The following PDE1C variants were observed in gnomAD, a reference collection of about 807,000 sequenced individuals.
PDE1C encodes dual specificity calcium/calmodulin-dependent 3',5'-cyclic nucleotide phosphodiesterase 1C.
Under a neutral mutation model 93.1 loss-of-function variants are expected in PDE1C, and 62 were observed. The observed-to-expected ratio is 0.67, with a 90% CI of 0.54 to 0.82. PDE1C has a LOEUF of 0.82. Among genes scored for constraint, PDE1C ranks in the 40% least tolerant of loss-of-function variants. The probability of loss-of-function intolerance (pLI) is 0.00; values close to 1 mark genes in which losing one functional copy is unlikely to be tolerated. For missense variants in PDE1C, 742 were observed against 884.6 expected, an observed-to-expected ratio of 0.84 and a Z score of 2.04; for synonymous variants, 325 against 310.1, an observed-to-expected ratio of 1.05 and a Z score of -0.50.
chr7:31,724,131 T>A, the PDE1C span, among the ~76,000 whole-genome samples: 107 of 152,360 alleles, frequency 7.0e-4, no homozygotes, highest in African/African-American at 2.5e-3. Flanking sequence ...AGTGCTGTTA[T>A]CCTGGCAACC....
chr7:31,797,803 A>C (rs1187450553), intron 16 of PDE1C, among the ~76,000 whole-genome samples: 2 of 151,748 alleles, frequency 1.3e-5, no homozygotes, highest in Non-Finnish European at 2.9e-5. Flanking sequence ...ATTAAGGCCC[A>C]GAAAAGCAAT....
rs377157841 is a variant in PDE1C, at chr7:31,949,383, C to T, written c.129-68523G>A. On this transcript the variant is annotated intron_variant, in intron 2 of 17. Coordinates refer to ENST00000396191, the MANE Select transcript of PDE1C (RefSeq NM_001191057.4). ...GCTGAGGCAGGAGAATCACTTGAAC[C>T]TGGGAGGTGAAGGTTGCAGTGAGCC... 2.6e-5 allele frequency among the ~76,000 whole-genome samples: 4 copies of T among 152,216 alleles called. No homozygotes were observed. The East Asian group carries it at 7.7e-4, about 29-fold the overall frequency.
chr7:32,259,501 G>A (rs115433090), intron 1 of PDE1C, among the ~76,000 whole-genome samples: 1,727 of 152,214 alleles, frequency 0.011, 43 homozygotes, highest in African/African-American at 0.04. Context: ...GGGAGCTGGG[G>A]CAAGTTCCCA....
chr7:32,212,415 A>T (rs1310741044), intron 1 of PDE1C, among the ~76,000 whole-genome samples: 1 of 152,162 alleles, frequency 6.6e-6, no homozygotes, highest in Non-Finnish European at 1.5e-5. Flanking sequence ...AGTTTCCTCT[A>T]TCCAGAAGGA....
At chr7:31,873,692 A>G (rs1239107959) in intron 5 of PDE1C, among the ~76,000 whole-genome samples, 5 of 152,242 alleles carry the variant, frequency 3.3e-5, no homozygotes, top group Non-Finnish European at 7.3e-5. Context: ...AATTATCCTG[A>G]AAACAACTCT....
intron 16 of PDE1C, among the ~76,000 whole-genome samples, chr7:31,779,015 G>A (rs1422381218): frequency 2.6e-5 from 4 of 152,124 alleles, no homozygotes; most frequent in Non-Finnish European, 5.9e-5. Flanking sequence ...TTGTCTAAGA[G>A]GAAGAAAAAC....
chr7:31,672,877 A>G, the PDE1C span, among the ~76,000 whole-genome samples: 1 of 152,204 alleles, frequency 6.6e-6, no homozygotes, highest in African/African-American at 2.4e-5. Context: ...CAACTGGATC[A>G]TAGGGGAGCA....
At chr7:32,388,876 A>C (rs1373194022) in intron 1 of PDE1C, among the ~76,000 whole-genome samples, 1 of 152,062 alleles carries the variant, frequency 6.6e-6, no homozygotes, top group Non-Finnish European at 1.5e-5. Flanking sequence ...GCCTTTACTC[A>C]TGTGAATTTG....
chr7:32,106,577 A>G (rs1473981032), intron 3 of PDE1C, among the ~76,000 whole-genome samples: 1 of 152,188 alleles, frequency 6.6e-6, no homozygotes, highest in Non-Finnish European at 1.5e-5. Flanking sequence ...GTACAATAAC[A>G]GGGGATTTAG....
chr7:31,914,141 G>A (rs767755596), intron 2 of PDE1C, among the ~76,000 whole-genome samples: 6 of 152,108 alleles, frequency 3.9e-5, no homozygotes, highest in South Asian at 2.1e-4. Flanking sequence ...TGAATTACAG[G>A]TCAGTTTCAA....
chr7:31,866,797 G>A (rs976205119), intron 6 of PDE1C, among the ~76,000 whole-genome samples: 7 of 152,082 alleles, frequency 4.6e-5, no homozygotes, highest in South Asian at 4.2e-4. Flanking sequence ...TCTCTCCAGC[G>A]AAAAGAAAGG....
intron 2 of PDE1C, among the ~76,000 whole-genome samples, chr7:32,037,839 G>A (rs1791311207): frequency 6.6e-6 from 1 of 152,124 alleles, no homozygotes; most frequent in African/African-American, 2.4e-5. Context: ...GTTCCACTCA[G>A]TAAACCTGTA....
At chr7:32,343,738 A>G (rs1222234730) in intron 1 of PDE1C, among the ~76,000 whole-genome samples, 1 of 151,972 alleles carries the variant, frequency 6.6e-6, no homozygotes, top group Non-Finnish European at 1.5e-5. Context: ...CCCAATCTCT[A>G]TTTTTCACTA....
chr7:32,317,315 G>A (rs1181155461), intron 1 of PDE1C, among the ~76,000 whole-genome samples: 2 of 152,026 alleles, frequency 1.3e-5, no homozygotes, highest in Admixed American at 6.6e-5. Context: ...CTACAGAATC[G>A]CATTTAGGCC....
intron 3 of PDE1C, among the ~76,000 whole-genome samples, chr7:32,156,606 T>G (rs976270504): frequency 2.6e-5 from 4 of 151,956 alleles, no homozygotes; most frequent in African/African-American, 9.7e-5. Context: ...CCAGGTAGGG[T>G]GAAAATACAA....
chr7:31,659,681 T>C, the PDE1C span, among the ~76,000 whole-genome samples: 1 of 152,236 alleles, frequency 6.6e-6, no homozygotes, highest in African/African-American at 2.4e-5. Context: ...GGGGTGCTCC[T>C]TGAAACTTCA....
At chr7:32,395,271 A>G (rs1409307418) in intron 1 of PDE1C, among the ~76,000 whole-genome samples, 1 of 152,242 alleles carries the variant, frequency 6.6e-6, no homozygotes, top group East Asian at 1.9e-4. Flanking sequence ...TGCAGCAGTC[A>G]AAACAGGTAC....
At chr7:31,632,997 C>T in the PDE1C span, among the ~76,000 whole-genome samples, 1 of 152,066 alleles carries the variant, frequency 6.6e-6, no homozygotes, top group Admixed American at 6.5e-5. Context: ...AGTGATTCTC[C>T]TGCCTCAGCC....
chr7:32,303,579 T>C (rs1191088899), upstream of PDE1C, among the ~76,000 whole-genome samples: 2 of 151,950 alleles, frequency 1.3e-5, no homozygotes, highest in Non-Finnish European at 1.5e-5. Context: ...CTATAGTCCA[T>C]TTTTTTGTTT....
Sources: gnomAD v4.1 joint callset for allele counts (sites outside exome capture counted in the v4.1 genomes callset) on GRCh38, gnomAD v4.1.1 for gene constraint, MANE v1.5 for transcripts, NCBI Gene and HGNC (gene_info 2026-07-23, HGNC 2026-07-21) for gene names.